Variants in MSRA observed in about 807,000 individuals in gnomAD.
MSRA encodes the protein methionine sulfoxide reductase A.
MSRA carries 54 observed loss-of-function variants against 31.3 expected under a neutral mutation model. That is an observed-to-expected ratio of 1.73 (90% CI 1.39 to 2.17). MSRA has a LOEUF of 2.17. MSRA is among the 30% of genes most tolerant of loss of function. The pLI is 0.00. For missense variants in MSRA, 507 were observed against 300.9 expected, an observed-to-expected ratio of 1.69 and a Z score of -5.07; for synonymous variants, 169 against 116.5, an observed-to-expected ratio of 1.45 and a Z score of -2.90.
At position 10,128,161 on chromosome 8, in the gene MSRA, C is replaced by T. The variant is rs375551331; in HGVS notation, c.142+73503C>T. Among the ~76,000 whole-genome samples, 4 of 152,032 alleles carry T rather than the reference C, an allele frequency of 2.6e-5. No homozygotes were observed. The East Asian group carries it at 7.7e-4, about 29-fold the overall frequency. ...GGGAGGCCGAGGCAGGTGGATCACCCGAGATCAGGAGTTCGAGACCAGCCT... is the reference window on the plus strand; with the variant it reads ...GGGAGGCCGAGGCAGGTGGATCACCTGAGATCAGGAGTTCGAGACCAGCCT... On this transcript the variant is annotated intron_variant, in intron 1 of 5. Transcript: ENST00000317173.
At chr8:10,319,093 C>T (rs948783258) in intron 4 of MSRA, among the ~76,000 whole-genome samples, 2 of 152,110 alleles carry the variant, frequency 1.3e-5, no homozygotes, top group Admixed American at 6.5e-5. Context: ...TTTTAACCTG[C>T]ACAGATTTTC....
At chr8:10,104,837 A>G (rs1799775675) in intron 1 of MSRA, among the ~76,000 whole-genome samples, 2 of 152,174 alleles carry the variant, frequency 1.3e-5, no homozygotes, top group African/African-American at 4.8e-5. Flanking sequence ...GGAGAGGTCC[A>G]TTCAGATGGT....
At chr8:10,062,919 C>T (rs1797281499) in intron 1 of MSRA, among the ~76,000 whole-genome samples, 1 of 152,178 alleles carries the variant, frequency 6.6e-6, no homozygotes, top group Admixed American at 6.5e-5. Context: ...TTCCTTAGCA[C>T]ATTTTAAGCT....
chr8:10,186,267 A>G (rs897674233), intron 1 of MSRA, among the ~76,000 whole-genome samples: 6 of 152,098 alleles, frequency 3.9e-5, no homozygotes, highest in Non-Finnish European at 7.4e-5. Context: ...AACATTTTCT[A>G]TAAAGGGCCA....
At chr8:10,109,998 A>G (rs796988916) in intron 1 of MSRA, among the ~76,000 whole-genome samples, 23 of 152,174 alleles carry the variant, frequency 1.5e-4, no homozygotes, top group African/African-American at 5.3e-4. Flanking sequence ...AGTAGGCTGT[A>G]TCACCTCTTG....
chr8:10,170,184 C>A (rs1452867956), intron 1 of MSRA, among the ~76,000 whole-genome samples: 2 of 151,676 alleles, frequency 1.3e-5, no homozygotes, highest in Admixed American at 1.3e-4. Flanking sequence ...CTGTGCCGGG[C>A]CTTCCTTGGT....
intron 1 of MSRA, among the ~76,000 whole-genome samples, chr8:10,119,211 T>C (rs1227920269): frequency 6.6e-6 from 1 of 152,248 alleles, no homozygotes; most frequent in African/African-American, 2.4e-5. Flanking sequence ...ATCTGGGATA[T>C]TGTTTCAGGT....
At chr8:10,220,793 G>C (rs11249977) in intron 2 of MSRA, among the ~76,000 whole-genome samples, 1 of 152,012 alleles carries the variant, frequency 6.6e-6, no homozygotes, top group African/African-American at 2.4e-5. Context: ...TATGACCTTT[G>C]TCAGGGTGGC....
chr8:10,090,977 A>G (rs969306569), intron 1 of MSRA, among the ~76,000 whole-genome samples: 3 of 152,224 alleles, frequency 2.0e-5, no homozygotes, highest in South Asian at 2.1e-4. Context: ...ATTATGAACA[A>G]TGATTCTGTG....
intron 1 of MSRA, among the ~76,000 whole-genome samples, chr8:10,187,412 C>T (rs779224502): frequency 2.0e-5 from 3 of 152,206 alleles, no homozygotes; most frequent in Non-Finnish European, 4.4e-5. Context: ...ACCCAAGCTA[C>T]CTTCCACCAC....
intron 1 of MSRA, among the ~76,000 whole-genome samples, chr8:10,056,039 A>T (rs1266851211): frequency 6.6e-6 from 1 of 151,980 alleles, no homozygotes; most frequent in Admixed American, 6.5e-5. Flanking sequence ...AGATTATCTA[A>T]AACTTATAAA....
intron 3 of MSRA, among the ~76,000 whole-genome samples, chr8:10,250,071 T>G (rs894252190): frequency 6.6e-6 from 1 of 152,146 alleles, no homozygotes; most frequent in Non-Finnish European, 1.5e-5. Context: ...TCTTTCACAT[T>G]TGTTTTAAGA....
intron 3 of MSRA, among the ~76,000 whole-genome samples, chr8:10,248,952 TTC>T (rs1286242907): frequency 1.3e-5 from 2 of 152,154 alleles, no homozygotes; most frequent in African/African-American, 4.8e-5. Flanking sequence ...AGAGATTGGT[TTC>T]TGTGTCTGTA....
chr8:10,064,307 C>T (rs1408643379), intron 1 of MSRA, among the ~76,000 whole-genome samples: 1 of 152,142 alleles, frequency 6.6e-6, no homozygotes, highest in Non-Finnish European at 1.5e-5. Flanking sequence ...TCAGCTGGTA[C>T]CTCTTCTGTA....
intron 1 of MSRA, among the ~76,000 whole-genome samples, chr8:10,144,781 G>A (rs938531391): frequency 2.6e-5 from 4 of 151,928 alleles, no homozygotes; most frequent in Admixed American, 1.3e-4. Flanking sequence ...TGACAATTGC[G>A]GCTCACAGCT....
intron 1 of MSRA, among the ~76,000 whole-genome samples, chr8:10,129,643 A>AG (rs1801755572): frequency 6.6e-6 from 1 of 152,048 alleles, no homozygotes; most frequent in South Asian, 2.1e-4. Context: ...GCAGATCAGA[A>AG]GGGGTGGGAA....
intron 5 of MSRA, among the ~76,000 whole-genome samples, chr8:10,348,382 T>TG (rs1554535212): frequency 2.4e-5 from 3 of 122,952 alleles, no homozygotes; most frequent in Non-Finnish European, 5.5e-5. Flanking sequence ...TTTTTTTTTT[T>TG]GGACAGAGTC....
chr8:10,269,648 T>C (rs1344664717), intron 3 of MSRA, among the ~76,000 whole-genome samples: 1 of 151,336 alleles, frequency 6.6e-6, no homozygotes, highest in Admixed American at 6.6e-5. Context: ...TTGTTGTTGT[T>C]TGTTTGTTTT....
chr8:10,347,784 A>T lies in MSRA; in HGVS notation c.543+27795A>T, dbSNP rs1043802804. 2.0e-5 allele frequency among the ~76,000 whole-genome samples: 3 copies of T among 152,298 alleles called. No individual in the cohort carries two copies. In the South Asian group the frequency reaches 6.2e-4, roughly 32 times the overall value. ...TCCTTGCCACACACTTGACTTTTCA[A>T]TCCCGTTACCCTAGTTGTTTCTAGG... On this transcript the variant is annotated intron_variant, in intron 5 of 5. Coordinates refer to ENST00000317173, the MANE Select transcript of MSRA (RefSeq NM_012331.5).
Sources: gnomAD v4.1 joint callset for allele counts (sites outside exome capture counted in the v4.1 genomes callset) on GRCh38, gnomAD v4.1.1 for gene constraint, MANE v1.5 for transcripts, NCBI Gene and HGNC (gene_info 2026-07-23, HGNC 2026-07-21) for gene names.